NCOA3: variants seen among roughly 807,000 people sequenced by gnomAD.
NCOA3 encodes nuclear receptor coactivator 3.
In NCOA3, 51 loss-of-function variants were observed where a neutral mutation model predicts 158.8. The ratio of observed to expected loss-of-function variants is 0.32; its 90% CI spans 0.26 to 0.41. The LOEUF (loss-of-function observed/expected upper bound fraction) is 0.41. Ranked by LOEUF, NCOA3 falls within the 10% of genes least tolerant of loss-of-function variation. The pLI is 1.00. For missense variants in NCOA3, 1,510 were observed against 1,746.6 expected (o/e 0.86, Z 2.41); for synonymous variants, 537 against 592.4 (o/e 0.91, Z 1.36).
intron 1 of NCOA3, among the ~76,000 whole-genome samples, chr20:47,562,582 T>G (rs2085125399): frequency 6.6e-6 from 1 of 152,122 alleles, no homozygotes; most frequent in African/African-American, 2.4e-5. Flanking sequence ...GGTCAGGAAT[T>G]GGATTTGGGA....
At chr20:47,553,038 A>G (rs535048718) in intron 1 of NCOA3, among the ~76,000 whole-genome samples, 3 of 151,212 alleles carry the variant, frequency 2.0e-5, no homozygotes, top group Non-Finnish European at 4.4e-5. Context: ...GGCTCAAGGG[A>G]TCCTCCCACC....
At position 47,551,909 on chromosome 20, in the gene NCOA3, A is replaced by T. The variant is rs565416430; in HGVS notation, c.-98-31274A>T. 4.8e-4 allele frequency among the ~76,000 whole-genome samples: 73 copies of T among 152,350 alleles called. 1 individual carries two copies. The highest frequency in any genetic ancestry group is 6.8e-3 in the Middle Eastern group (2 of 294). On this transcript the variant is annotated intron_variant, in intron 1 of 22. Transcript: ENST00000371998. ...AAACATTTTTTAAAAGTAAATTGTT[A>T]GGTTTTAAAAAAACTTTAATTTTAC...
intron 20 of NCOA3, 52 bp downstream of exon 20, chr20:47,651,328 A>G (rs766190395): frequency 6.5e-7 from 1 of 1,547,272 alleles, no homozygotes; most frequent in African/African-American, 1.4e-5. Context: ...TACTAAGGAC[A>G]TAAGCTTCAT....
At position 47,635,195 on chromosome 20, in the gene NCOA3, C is replaced by G. The variant is rs901912198; in HGVS notation, c.1113-127C>G. 4 of 892,900 alleles carry G rather than the reference C, an allele frequency of 4.5e-6. No homozygotes were observed. The African/African-American group carries it at 6.7e-5, about 15-fold the overall frequency. 55.3% of individuals were successfully genotyped at this position (892,900 alleles called of 1,614,324 possible). Reference sequence around the variant, plus strand: ...CCTCCTGCCTCAGCTTCCCAAAGTGCTGGGAATATAGGTGTTAGCCACTGT... The same window carrying G: ...CCTCCTGCCTCAGCTTCCCAAAGTGGTGGGAATATAGGTGTTAGCCACTGT... On this transcript the variant is annotated intron_variant, in intron 10 of 22. Transcript: ENST00000371998.
chr20:47,600,427 C>T (rs1301305019), intron 2 of NCOA3, among the ~76,000 whole-genome samples: 4 of 151,764 alleles, frequency 2.6e-5, no homozygotes, highest in Admixed American at 6.6e-5. Context: ...CTGCCCGCCT[C>T]GGCCTCCCAA....
chr20:47,624,557 C>G (rs558854428), intron 4 of NCOA3, among the ~76,000 whole-genome samples: 1 of 152,286 alleles, frequency 6.6e-6, no homozygotes, highest in African/African-American at 2.4e-5. Context: ...ACTTTGCTCA[C>G]TTGCCCACTG....
intron 1 of NCOA3, among the ~76,000 whole-genome samples, chr20:47,569,739 A>G (rs546756814): frequency 1.3e-5 from 2 of 151,724 alleles, no homozygotes; most frequent in South Asian, 2.1e-4. Flanking sequence ...GGCTGGGCGC[A>G]GTGGCTCACG....
Position 47,596,007 on chromosome 20 carries a change from T to G in NCOA3, c.-20+12746T>G, listed in dbSNP as rs535577572. Reference sequence around the variant, plus strand: ...TAAACACTAAAATTACACATTATTTTTATATAAATAAAGAGTATATATTAT... The same window carrying G: ...TAAACACTAAAATTACACATTATTTGTATATAAATAAAGAGTATATATTAT... On this transcript the variant is annotated intron_variant, in intron 2 of 22. Transcript: ENST00000371998. Among the ~76,000 whole-genome samples the G allele has an allele frequency of 2.6e-5, 4 of 152,314 alleles. No homozygotes were observed. In the East Asian group the frequency reaches 7.7e-4, roughly 29 times the overall value.
intron 2 of NCOA3, among the ~76,000 whole-genome samples, chr20:47,611,283 A>G (rs1320094914): frequency 6.6e-6 from 1 of 151,112 alleles, no homozygotes; most frequent in Non-Finnish European, 1.5e-5. Context: ...CCTCCTCACC[A>G]CTCTTCTTTA....
At chr20:47,611,878 C>T (rs987596937) in intron 2 of NCOA3, among the ~76,000 whole-genome samples, 3 of 152,080 alleles carry the variant, frequency 2.0e-5, no homozygotes, top group Non-Finnish European at 4.4e-5. Context: ...GGCTGGAGTG[C>T]AGTGGCGCGA....
In NCOA3 at chr20:47,607,465, T is replaced by C. The variant is rs371314353; in HGVS notation, c.-19-14764T>C. 3.3e-5 allele frequency among the ~76,000 whole-genome samples: 5 copies of C among 152,192 alleles called. No individual in the cohort carries two copies. The East Asian group carries it at 9.6e-4, about 29-fold the overall frequency. The stretch of plus-strand genomic sequence containing the variant: ...TTTCTTGGTCACCTCTCCATAACTA[T>C]TGCTCCCTAGCCCCTGTGCCCTTCT... On this transcript the variant is annotated intron_variant, in intron 2 of 22. Coordinates refer to ENST00000371998, the MANE Select transcript of NCOA3 (RefSeq NM_181659.3).
intron 2 of NCOA3, among the ~76,000 whole-genome samples, chr20:47,597,700 G>C (rs888288377): frequency 6.6e-6 from 1 of 151,472 alleles, no homozygotes; most frequent in Non-Finnish European, 1.5e-5. Context: ...TATTGTCCAG[G>C]CTGGTCTTGA....
At chr20:47,564,855 G>A (rs2085167199) in intron 1 of NCOA3, among the ~76,000 whole-genome samples, 1 of 152,024 alleles carries the variant, frequency 6.6e-6, no homozygotes, top group African/African-American at 2.4e-5. Flanking sequence ...TTAGTAGATT[G>A]TCTTTTCTTG....
chr20:47,537,741 G>A (rs1602366635), intron 1 of NCOA3, among the ~76,000 whole-genome samples: 2 of 151,970 alleles, frequency 1.3e-5, no homozygotes, highest in African/African-American at 2.4e-5. Flanking sequence ...CACCACACCC[G>A]GCTAATTTTT....
At chr20:47,637,614 G>A (rs184030672) in intron 12 of NCOA3, 34 bp from the exon 13 acceptor site, 502 of 1,557,390 alleles carry the variant, frequency 3.2e-4, no homozygotes, top group Admixed American at 1.0e-3. Flanking sequence ...GTCTGGTAAT[G>A]TATACAGGTT....
At chr20:47,558,537 C>A (rs1170406799) in intron 1 of NCOA3, among the ~76,000 whole-genome samples, 2 of 152,078 alleles carry the variant, frequency 1.3e-5, no homozygotes, top group Admixed American at 1.3e-4. Context: ...GTGCAAAGAA[C>A]TCTACCAGTT....
At chr20:47,507,910 C>G (rs1009823837) in intron 1 of NCOA3, among the ~76,000 whole-genome samples, 8 of 152,020 alleles carry the variant, frequency 5.3e-5, no homozygotes, top group African/African-American at 1.9e-4. Flanking sequence ...TGAGCCACCA[C>G]GCCTGGCCAA....
intron 1 of NCOA3, among the ~76,000 whole-genome samples, chr20:47,559,583 AT>A (rs1165307588): frequency 6.6e-6 from 1 of 152,108 alleles, no homozygotes; most frequent in African/African-American, 2.4e-5. Context: ...TTTCATCTGC[AT>A]TAAAAATCTT....
At chr20:47,586,459 G>A (rs566905446) in intron 2 of NCOA3, among the ~76,000 whole-genome samples, 24 of 151,834 alleles carry the variant, frequency 1.6e-4, no homozygotes, top group African/African-American at 5.1e-4. Flanking sequence ...TACTTCTGTT[G>A]TATTCCTACA....
Sources: gnomAD v4.1 joint callset for allele counts (sites outside exome capture counted in the v4.1 genomes callset) on GRCh38, gnomAD v4.1.1 for gene constraint, MANE v1.5 for transcripts, NCBI Gene and HGNC (gene_info 2026-07-23, HGNC 2026-07-21) for gene names.